TIMM9: variants seen among roughly 807,000 people sequenced by gnomAD.
TIMM9 encodes mitochondrial import inner membrane translocase subunit Tim9.
TIMM9 carries 10 observed loss-of-function variants against 13.4 expected under a neutral mutation model. That is an observed-to-expected ratio of 0.75 (90% CI 0.46 to 1.26). TIMM9 has a LOEUF of 1.26. Among genes scored for constraint, TIMM9 ranks in the 50% most tolerant of loss-of-function variants. The pLI, the probability that TIMM9 is intolerant of heterozygous loss-of-function variation, is 0.00. For synonymous variants in TIMM9, 32 were observed against 32.1 expected (o/e 1.00, Z 0.01); for missense variants, 87 against 100.8 (o/e 0.86, Z 0.58).
chr14:58,413,955 C>T lies in TIMM9; in HGVS notation c.-26-1984G>A, dbSNP rs144689631. Among the ~76,000 whole-genome samples the T allele has an allele frequency of 5.7e-3, 661 of 116,292 alleles. 23 individuals are homozygous for T. The East Asian group carries it at 0.11, about 19-fold the overall frequency. 76.3% of individuals were successfully genotyped at this position (116,292 alleles called of 152,430 possible). A position where few individuals can be genotyped will look rare whatever the true frequency, so the allele number is the denominator to read the frequency against. On this transcript the variant is annotated intron_variant, in intron 3 of 5. Coordinates refer to ENST00000395159, the MANE Select transcript of TIMM9 (RefSeq NM_012460.4). ...CCGGGAGGTGGAGCTTGCAGTGAGCCGAGATTGCACCACTGCACTCCGGCC... is the reference window on the plus strand; with the variant it reads ...CCGGGAGGTGGAGCTTGCAGTGAGCTGAGATTGCACCACTGCACTCCGGCC...
chr14:58,409,191 C>A, intron 5 of TIMM9, 23 bp from the exon 6 acceptor site: 1 of 1,600,876 alleles, frequency 6.2e-7, no homozygotes, highest in South Asian at 1.1e-5. Context: ...AGGGAAGATC[C>A]AAGAGGCAAC....
chr14:58,421,839 G>A (rs1278632780), intron 3 of TIMM9, among the ~76,000 whole-genome samples: 1 of 151,872 alleles, frequency 6.6e-6, no homozygotes, highest in Non-Finnish European at 1.5e-5. Context: ...TTACCAATAG[G>A]CTCCTAGCTG....
chr14:58,425,682 C>A (rs1369492520), intron 2 of TIMM9, among the ~76,000 whole-genome samples: 2 of 152,128 alleles, frequency 1.3e-5, no homozygotes, highest in Non-Finnish European at 2.9e-5. Flanking sequence ...TAAGTTTCAC[C>A]TAGAAGGTAA....
At chr14:58,409,450 A>C (rs1315777160) in intron 5 of TIMM9, among the ~76,000 whole-genome samples, 1 of 152,226 alleles carries the variant, frequency 6.6e-6, no homozygotes, top group Non-Finnish European at 1.5e-5. Context: ...CAAGTGTATT[A>C]AGTGAAAGCC....
In TIMM9 at chr14:58,409,169, C is replaced by T; in HGVS notation, c.136-1G>A. ...GTAAGCAATGTTCTGAACAGGTGGT[C>T]TAGGAATGAAAAGGGAAGATCCAAG... On this transcript the variant is annotated splice_acceptor_variant, in intron 5 of 5. Transcript: ENST00000395159. LOFTEE classifies it high-confidence loss of function. 2 of 1,610,776 alleles carry T rather than the reference C, an allele frequency of 1.2e-6. No individual in the cohort carries two copies. Among genetic ancestry groups the T allele is most frequent in the Non-Finnish European group, 1.7e-6 (2 of 1,179,144 alleles).
At chr14:58,425,782 G>T (rs2036732679) in intron 2 of TIMM9, among the ~76,000 whole-genome samples, 1 of 151,988 alleles carries the variant, frequency 6.6e-6, no homozygotes, top group South Asian at 2.1e-4. Context: ...GAACAAACAA[G>T]TACCACCTAT....
chr14:58,420,365 A>C (rs2036551414), intron 3 of TIMM9, among the ~76,000 whole-genome samples: 1 of 152,212 alleles, frequency 6.6e-6, no homozygotes, highest in Admixed American at 6.5e-5. Flanking sequence ...CCCAGCAGTA[A>C]AAACACAAAC....
chr14:58,423,473 C>G (rs1447930945), intron 3 of TIMM9, among the ~76,000 whole-genome samples: 2 of 138,348 alleles, frequency 1.4e-5, no homozygotes, highest in African/African-American at 2.7e-5. Flanking sequence ...TGAGATTGTG[C>G]CACTGCATTC....
intron 2 of TIMM9, among the ~76,000 whole-genome samples, chr14:58,425,985 C>T (rs930791727): frequency 1.3e-5 from 2 of 150,456 alleles, no homozygotes; most frequent in Non-Finnish European, 3.0e-5. Flanking sequence ...GGCGTGGTGG[C>T]GGGCGCCTGT....
At chr14:58,419,437 AGAGT>A (rs1333991900) in intron 3 of TIMM9, among the ~76,000 whole-genome samples, 1 of 148,872 alleles carries the variant, frequency 6.7e-6, no homozygotes, top group East Asian at 2.0e-4. Flanking sequence ...TCTGGAAAAT[AGAGT>A]GAGACCCCGT....
Position 58,411,890 on chromosome 14 carries a change from T to C in TIMM9, c.39+17A>G. 1 of 1,613,324 alleles carries C rather than the reference T, an allele frequency of 6.2e-7. No individual in the cohort carries two copies. Among genetic ancestry groups the C allele is most frequent in the Non-Finnish European group, 8.5e-7 (1 of 1,179,360 alleles). ...ATTTTTTTGCAAAATCTTTTCCCCT[T>C]AATTAGAATACCTTACCTGTTTTAT... On this transcript the variant is annotated intron_variant, in intron 4 of 5. Transcript: ENST00000395159.
At chr14:58,411,766 A>G in intron 4 of TIMM9, 141 bp downstream of exon 4, 1 of 698,074 alleles carries the variant, frequency 1.4e-6, no homozygotes, top group South Asian at 1.7e-5. Context: ...TGAACTCCTG[A>G]CTTCATGTGA....
intron 3 of TIMM9, among the ~76,000 whole-genome samples, chr14:58,418,179 T>A (rs1054489634): frequency 6.6e-6 from 1 of 152,182 alleles, no homozygotes; most frequent in East Asian, 1.9e-4. Flanking sequence ...ATTTGAAAAT[T>A]AATCCGTTTA....
At chr14:58,414,086 A>G (rs914571911) in intron 3 of TIMM9, among the ~76,000 whole-genome samples, 1 of 150,490 alleles carries the variant, frequency 6.6e-6, no homozygotes, top group African/African-American at 2.4e-5. Flanking sequence ...CAGCATGTAA[A>G]AGGAAAACAT....
chr14:58,410,980 A>G, intron 4 of TIMM9, 42 bp from the exon 5 acceptor site: 1 of 1,409,084 alleles, frequency 7.1e-7, no homozygotes, highest in Non-Finnish European at 9.9e-7. Context: ...TGGTTTTTAA[A>G]ACAAAGATGC....
intron 4 of TIMM9, 80 bp downstream of exon 4, chr14:58,411,827 G>T: frequency 7.4e-7 from 1 of 1,348,180 alleles, no homozygotes; most frequent in Non-Finnish European, 1.1e-6. Context: ...GTGAGCCACT[G>T]CACCCAGCCT....
intron 4 of TIMM9, among the ~76,000 whole-genome samples, chr14:58,411,479 T>G (rs892834039): frequency 1.3e-5 from 2 of 151,320 alleles, no homozygotes; most frequent in African/African-American, 4.8e-5. Context: ...ATACGTACAC[T>G]TTATAACATT....
chr14:58,420,846 A>C (rs2036570882), intron 3 of TIMM9, among the ~76,000 whole-genome samples: 1 of 152,084 alleles, frequency 6.6e-6, no homozygotes, highest in South Asian at 2.1e-4. Flanking sequence ...GGCTAACATA[A>C]AAACAAAACA....
intron 5 of TIMM9, among the ~76,000 whole-genome samples, chr14:58,410,563 A>C (rs1186782601): frequency 6.6e-6 from 1 of 152,224 alleles, no homozygotes; most frequent in Non-Finnish European, 1.5e-5. Flanking sequence ...ATCTTGGCTG[A>C]AAGCTAATTA....
Sources: gnomAD v4.1 joint callset for allele counts (sites outside exome capture counted in the v4.1 genomes callset) on GRCh38, gnomAD v4.1.1 for gene constraint, MANE v1.5 for transcripts, NCBI Gene and HGNC (gene_info 2026-07-23, HGNC 2026-07-21) for gene names.